SMC5: variants seen among roughly 807,000 people sequenced by gnomAD.
The protein encoded by SMC5 is structural maintenance of chromosomes protein 5.
In SMC5, 88 loss-of-function variants were observed where a neutral mutation model predicts 148.3. That is an observed-to-expected ratio of 0.59 (90% CI 0.50 to 0.71). The LOEUF is 0.71. Among genes scored for constraint, SMC5 ranks in the 30% least tolerant of loss-of-function variants. The probability of loss-of-function intolerance (pLI) is 0.00; values close to 1 mark genes in which losing one functional copy is unlikely to be tolerated. For missense variants in SMC5, 1,142 were observed against 1,298.9 expected (o/e 0.88, Z 1.86); for synonymous variants, 421 against 432.8 (o/e 0.97, Z 0.34).
At chr9:70,259,629 G>A (rs1254695033) in intron 1 of SMC5, among the ~76,000 whole-genome samples, 2 of 152,188 alleles carry the variant, frequency 1.3e-5, no homozygotes, top group African/African-American at 2.4e-5. Flanking sequence ...TTAAGAGGAG[G>A]CAACAGTTAA....
intron 17 of SMC5, among the ~76,000 whole-genome samples, chr9:70,339,450 A>G (rs937347087): frequency 6.6e-6 from 1 of 151,876 alleles, no homozygotes; most frequent in Non-Finnish European, 1.5e-5. Flanking sequence ...AAAAGAGTCA[A>G]GAATGATGAC....
chr9:70,298,484 T>G (rs958696563), intron 9 of SMC5, among the ~76,000 whole-genome samples: 2 of 152,136 alleles, frequency 1.3e-5, no homozygotes, highest in African/African-American at 4.8e-5. Context: ...TTTATTTTCT[T>G]TACAAAGTCA....
intron 15 of SMC5, 78 bp downstream of exon 15, chr9:70,319,041 A>C: frequency 7.8e-7 from 1 of 1,281,342 alleles, no homozygotes; most frequent in Non-Finnish European, 1.0e-6. Flanking sequence ...TAATAACAAC[A>C]GCATTTCCAC....
intron 11 of SMC5, among the ~76,000 whole-genome samples, chr9:70,310,215 G>A (rs2035622080): frequency 6.6e-6 from 1 of 152,150 alleles, no homozygotes; most frequent in South Asian, 2.1e-4. Context: ...ATTATCTGTG[G>A]CAGCCATACA....
intron 8 of SMC5, among the ~76,000 whole-genome samples, chr9:70,295,410 G>T (rs1288153769): frequency 6.7e-6 from 1 of 150,106 alleles, no homozygotes; most frequent in East Asian, 2.0e-4. Flanking sequence ...GGCGGAGCTT[G>T]CAGTGAGCTG....
chr9:70,311,760 C>T (rs1355482466), intron 11 of SMC5: 1 of 151,258 alleles, frequency 6.6e-6, no homozygotes, highest in Non-Finnish European at 1.5e-5. Context: ...AAGCAAAGCA[C>T]AATAAAATGA....
At chr9:70,273,765 C>G (rs2034512662) in intron 3 of SMC5, among the ~76,000 whole-genome samples, 1 of 152,070 alleles carries the variant, frequency 6.6e-6, no homozygotes, top group Non-Finnish European at 1.5e-5. Context: ...GATTGTAGTG[C>G]AGTTAAATAT....
intron 10 of SMC5, among the ~76,000 whole-genome samples, chr9:70,300,790 GTAAGTTTTGGGCACA>G (rs2035338762): frequency 6.6e-6 from 1 of 152,092 alleles, no homozygotes; most frequent in Non-Finnish European, 1.5e-5. Flanking sequence ...GTTTAAAATA[GTAAGTTTTGGGCACA>G]TAAAAGGATG....
chr9:70,344,364 A>C, intron 18 of SMC5, 95 bp downstream of exon 18: 1 of 923,828 alleles, frequency 1.1e-6, no homozygotes, highest in Non-Finnish European at 1.4e-6. Context: ...GAAAAACATG[A>C]TGTGTCGTAA....
intron 7 of SMC5, among the ~76,000 whole-genome samples, chr9:70,284,494 C>T (rs1321199473): frequency 6.6e-6 from 1 of 151,996 alleles, no homozygotes; most frequent in Non-Finnish European, 1.5e-5. Context: ...TTTGTAATTG[C>T]TTTTTTTGGT....
intron 10 of SMC5, among the ~76,000 whole-genome samples, chr9:70,304,609 C>T (rs956540888): frequency 4.6e-5 from 7 of 152,138 alleles, no homozygotes; most frequent in African/African-American, 1.7e-4. Flanking sequence ...ATTGCTTGAA[C>T]CCGGGAGGCA....
intron 17 of SMC5, among the ~76,000 whole-genome samples, chr9:70,335,692 A>G (rs2036338280): frequency 6.6e-6 from 1 of 152,210 alleles, no homozygotes; most frequent in Non-Finnish European, 1.5e-5. Flanking sequence ...TTTGAAGGTG[A>G]TAGATATGTT....
intron 17 of SMC5, among the ~76,000 whole-genome samples, chr9:70,326,882 A>G (rs945703469): frequency 6.6e-6 from 1 of 152,098 alleles, no homozygotes; most frequent in Non-Finnish European, 1.5e-5. Context: ...AAAAAAAATC[A>G]TGTACTGTTT....
Position 70,346,625 on chromosome 9 carries a change from T to G in SMC5, c.2544T>G (p.Asn848Lys). ...TTCAGCAAGTACCCACCATTCCAAA[T>G]GGACACAACTCCTCACTCCCCATGG... is the stretch of plus-strand genomic sequence containing the variant. ...EYQTQVPTIPNGHNSSLPMVF... is the reference protein window; with the variant it reads ...EYQTQVPTIPKGHNSSLPMVF... The change falls in exon 19 of 25, where the codon AAT (asparagine) becomes AAG (lysine). Residue 848 changes from asparagine to lysine, a missense_variant. Asn to Lys is a moderately conservative substitution (Grantham distance 94, BLOSUM62 0). This residue lies in a region of SMC5 where 743 missense variants were observed against 835.7 expected (regional missense o/e 0.89). Coordinates refer to ENST00000361138, the MANE Select transcript of SMC5 (RefSeq NM_015110.4). 1 of 1,614,070 alleles carries G rather than the reference T, an allele frequency of 6.2e-7. No individual in the cohort carries two copies. The highest frequency in any genetic ancestry group is 8.5e-7 in the Non-Finnish European group (1 of 1,179,940).
chr9:70,352,812 TC>T lies in SMC5; in HGVS notation c.*482del, dbSNP rs2036834023. On this transcript the variant is annotated 3_prime_UTR_variant, in exon 25 of 25. Coordinates refer to ENST00000361138, the MANE Select transcript of SMC5 (RefSeq NM_015110.4). Reference sequence around the variant, plus strand: ...ATGTATAGTAATAATTTATGACAGATCTAGTCATTTCTTCCTATTAAAAAAG... The same window carrying T: ...ATGTATAGTAATAATTTATGACAGATTAGTCATTTCTTCCTATTAAAAAAG... 2 of 152,234 alleles carry T rather than the reference TC, an allele frequency of 1.3e-5. No homozygotes were observed. The highest frequency in any genetic ancestry group is 4.8e-5 in the African/African-American group (2 of 41,454). The allele number at this position is 152,234 out of a possible 1,614,324, so 9.4% of individuals were successfully genotyped here.
chr9:70,347,253 C>A, intron 20 of SMC5, 92 bp downstream of exon 20: 1 of 965,832 alleles, frequency 1.0e-6, no homozygotes, highest in East Asian at 2.5e-5. Flanking sequence ...CCCTCCAGTA[C>A]TTGCCTCCCA....
intron 19 of SMC5, among the ~76,000 whole-genome samples, 160 bp from the exon 20 acceptor site, chr9:70,346,906 T>G (rs1324887358): frequency 1.3e-5 from 2 of 152,238 alleles, no homozygotes; most frequent in East Asian, 1.9e-4. Flanking sequence ...AAGTACAAGC[T>G]TTTGAAGGCA....
At chr9:70,343,093 C>T (rs2118806257) in intron 17 of SMC5, among the ~76,000 whole-genome samples, 1 of 151,762 alleles carries the variant, frequency 6.6e-6, no homozygotes, top group East Asian at 1.9e-4. Context: ...TGAATCATGA[C>T]AGTCTCTAAC....
intron 8 of SMC5, among the ~76,000 whole-genome samples, chr9:70,296,209 C>G (rs2035196836): frequency 6.6e-6 from 1 of 152,134 alleles, no homozygotes; most frequent in Middle Eastern, 3.4e-3. Flanking sequence ...ATTTATTTTG[C>G]AAGGACATGA....
Sources: gnomAD v4.1 joint callset for allele counts (sites outside exome capture counted in the v4.1 genomes callset) on GRCh38, gnomAD v4.1.1 for gene constraint, gnomAD v4.1.1 regional missense constraint, MANE v1.5 for transcripts, NCBI Gene and HGNC (gene_info 2026-07-23, HGNC 2026-07-21) for gene names.